Variants in POPDC2 observed in about 807,000 individuals in gnomAD.
POPDC2 encodes popeye domain cAMP effector 2.
Under a neutral mutation model 30.5 loss-of-function variants are expected in POPDC2, and 24 were observed. The ratio of observed to expected loss-of-function variants is 0.79; its 90% CI spans 0.57 to 1.11. The LOEUF (loss-of-function observed/expected upper bound fraction) is 1.11, where lower values mean the gene tolerates loss of function less well. POPDC2 is among the 50% of genes least tolerant of loss of function. The probability of loss-of-function intolerance (pLI) is 0.00; values close to 1 mark genes in which losing one functional copy is unlikely to be tolerated. For missense variants in POPDC2, 409 were observed against 447.0 expected, an observed-to-expected ratio of 0.91 and a Z score of 0.77; for synonymous variants, 185 against 183.3, an observed-to-expected ratio of 1.01 and a Z score of -0.07.
chr3:119,645,374 A>G (rs1156943038), intron 3 of POPDC2, among the ~76,000 whole-genome samples: 1 of 152,170 alleles, frequency 6.6e-6, no homozygotes, highest in Non-Finnish European at 1.5e-5. Context: ...CATCCTGGCT[A>G]ACACGGTGAA....
At chr3:119,644,908 C>T (rs1410245471) in intron 3 of POPDC2, among the ~76,000 whole-genome samples, 1 of 152,130 alleles carries the variant, frequency 6.6e-6, no homozygotes, top group Non-Finnish European at 1.5e-5. Context: ...TCAAATCAAA[C>T]ATTCAAAACA....
chr3:119,648,628 C>T lies in POPDC2; in HGVS notation c.641G>A (p.Trp214Ter). ...AAGAAGATGGAGACTTTTCCGGGGC[C>T]AGGAAATGTAGCTACATGAGGTCTC... ...TAETSCSYISWPRKSLHLLLT... is the reference protein window; with the variant it reads ...TAETSCSYIS Residue 214 changes from tryptophan (W) to a stop codon, truncating the protein, a stop_gained, in exon 3 of 4, where the codon TGG becomes TAG. Coordinates refer to ENST00000493094, the MANE Select transcript of POPDC2 (RefSeq NM_001369919.2). LOFTEE classifies it high-confidence loss of function. The T allele has an allele frequency of 1.9e-6, 3 of 1,614,032 alleles. No individual in the cohort carries two copies. The highest frequency in any genetic ancestry group is 2.5e-6 in the Non-Finnish European group (3 of 1,179,984).
Position 119,659,923 on chromosome 3 carries a change from A to G in POPDC2, c.491+10T>C. On this transcript the variant is annotated intron_variant, in intron 1 of 3. Coordinates refer to ENST00000493094, the MANE Select transcript of POPDC2 (RefSeq NM_001369919.2). ...GAAAGAAATTCTGGGCAATGGATAG[A>G]GTAGCTTACCGGCCAGAGAGCAGCA... The G allele has an allele frequency of 6.4e-7, 1 of 1,572,898 alleles. No homozygotes were observed. Among genetic ancestry groups the G allele is most frequent in the South Asian group, 1.2e-5 (1 of 85,298 alleles).
rs145628936 is a variant in POPDC2, at chr3:119,646,011, G to A, written c.*43+2108C>T. Among the ~76,000 whole-genome samples the A allele has an allele frequency of 2.9e-3, 449 of 152,236 alleles. 4 individuals are homozygous for A. Among genetic ancestry groups the A allele is most frequent in the Middle Eastern group, 0.017 (5 of 294 alleles). Reference sequence around the variant, plus strand: ...GCCAGGACTTTGGACTCCCAGTCCTGGCCTCTTTCTCATTTACCATGCTGC... The same window carrying A: ...GCCAGGACTTTGGACTCCCAGTCCTAGCCTCTTTCTCATTTACCATGCTGC... On this transcript the variant is annotated intron_variant, in intron 3 of 3. Transcript: ENST00000493094.
chr3:119,648,918 G>T (rs1253988224), intron 2 of POPDC2, among the ~76,000 whole-genome samples: 1 of 152,180 alleles, frequency 6.6e-6, no homozygotes, highest in Non-Finnish European at 1.5e-5. Flanking sequence ...ACCTCCTGAA[G>T]CCTCAGTTTC....
Position 119,660,570 on chromosome 3 carries a change from T to C in POPDC2, c.-147A>G. The C allele has an allele frequency of 1.1e-6, 1 of 929,108 alleles. No homozygotes were observed. The highest frequency in any genetic ancestry group is 1.8e-5 in the South Asian group (1 of 56,020). The allele number at this position is 929,108 out of a possible 1,614,324, so 57.6% of individuals were successfully genotyped here. ...CCTTTCCTAGAAGGAATGCTTCCGG[T>C]GGCTTTGGGAAGGAATGATGGAACA... On this transcript the variant is annotated 5_prime_UTR_variant, in exon 1 of 4. Transcript: ENST00000493094.
chr3:119,649,409 C>T (rs745474124), intron 2 of POPDC2, among the ~76,000 whole-genome samples: 31 of 152,158 alleles, frequency 2.0e-4, no homozygotes, highest in Non-Finnish European at 4.3e-4. Context: ...AGCTAAATTA[C>T]GCTTGCATGG....
upstream of POPDC2, chr3:119,660,662 CT>C (rs779210888): frequency 0.17 from 45,393 of 271,382 alleles, 4,959 homozygotes; most frequent in Admixed American, 0.29. Flanking sequence ...CTCTCCCCCC[CT>C]CTCTCCTCCC....
At chr3:119,655,200 T>G (rs1577172325) in intron 1 of POPDC2, among the ~76,000 whole-genome samples, 1 of 151,740 alleles carries the variant, frequency 6.6e-6, no homozygotes, top group African/African-American at 2.4e-5. Flanking sequence ...TGGTGGCGGG[T>G]GCCTGTAATC....
At chr3:119,656,804 C>T (rs1404267408) in intron 1 of POPDC2, among the ~76,000 whole-genome samples, 7 of 152,166 alleles carry the variant, frequency 4.6e-5, no homozygotes, top group Non-Finnish European at 7.3e-5. Context: ...TAAGGTACAC[C>T]TTGTTCATTT....
At chr3:119,655,090 G>T (rs1490682594) in intron 1 of POPDC2, among the ~76,000 whole-genome samples, 1 of 152,214 alleles carries the variant, frequency 6.6e-6, no homozygotes, top group African/African-American at 2.4e-5. Context: ...ACTTTGGGAG[G>T]CTGAGGCAGG....
intron 3 of POPDC2, among the ~76,000 whole-genome samples, chr3:119,645,524 C>T (rs2052735886): frequency 7.0e-6 from 1 of 143,618 alleles, no homozygotes; most frequent in Admixed American, 7.3e-5. Context: ...GATCGCGCCA[C>T]TGCGCTGCAG....
chr3:119,651,933 C>T (rs2052816345), intron 2 of POPDC2, among the ~76,000 whole-genome samples: 1 of 152,198 alleles, frequency 6.6e-6, no homozygotes. Flanking sequence ...CGCGCCCAGC[C>T]TCTAATGTTG....
At position 119,648,675 on chromosome 3, in the gene POPDC2, G is replaced by T. The variant is rs374134100; in HGVS notation, c.601-7C>A. 1.2e-5 allele frequency: 20 copies of T among 1,606,356 alleles called. No individual in the cohort carries two copies. The highest frequency in any genetic ancestry group is 1.6e-5 in the Non-Finnish European group (19 of 1,176,080). On this transcript the variant is annotated splice_region_variant and splice_polypyrimidine_tract_variant and intron_variant, in intron 2 of 3. Coordinates refer to ENST00000493094, the MANE Select transcript of POPDC2 (RefSeq NM_001369919.2). ...TCTCAGCAGTCAGAGTGACCTGAGA[G>T]GGGTCAGAAGCAGACAATAAAAGTT...
Position 119,642,381 on chromosome 3 carries a change from T to G in POPDC2, c.*224A>C. The G allele has an allele frequency of 1.1e-6, 1 of 871,818 alleles. No homozygotes were observed. The highest frequency in any genetic ancestry group is 1.4e-5 in the South Asian group (1 of 69,604). The allele number at this position is 871,818 out of a possible 1,614,324, so 54.0% of individuals were successfully genotyped here. On this transcript the variant is annotated 3_prime_UTR_variant, in exon 4 of 4. Coordinates refer to ENST00000493094, the MANE Select transcript of POPDC2 (RefSeq NM_001369919.2). ...CCTCTCTCACCTTGCCTGTGAGCCT[T>G]CCAGTGGGTGGGAAAAGAGGCATGC...
intron 2 of POPDC2, among the ~76,000 whole-genome samples, chr3:119,654,172 A>AAGG (rs1197039061): frequency 1.3e-5 from 2 of 152,126 alleles, no homozygotes; most frequent in African/African-American, 4.8e-5. Flanking sequence ...AAAAAATATG[A>AAGG]AGGAGGGAGA....
chr3:119,653,675 C>T (rs1369895023), intron 2 of POPDC2, among the ~76,000 whole-genome samples: 1 of 152,080 alleles, frequency 6.6e-6, no homozygotes, highest in Non-Finnish European at 1.5e-5. Flanking sequence ...GACGGGATTT[C>T]ATCGTGTTAG....
Position 119,660,433 on chromosome 3 carries a change from C to T in POPDC2, c.-10G>A. 1 of 1,604,918 alleles carries T rather than the reference C, an allele frequency of 6.2e-7. No individual in the cohort carries two copies. Among genetic ancestry groups the T allele is most frequent in the South Asian group, 1.1e-5 (1 of 89,836 alleles). ...TGCTGTTGGCGCTCATCTTTGGGGC[C>T]TCTCAAAGCCTCACTGGGCTCTAAT... On this transcript the variant is annotated 5_prime_UTR_variant, in exon 1 of 4. Coordinates refer to ENST00000493094, the MANE Select transcript of POPDC2 (RefSeq NM_001369919.2).
intron 2 of POPDC2, among the ~76,000 whole-genome samples, chr3:119,651,186 C>T (rs185494934): frequency 2.0e-5 from 3 of 152,174 alleles, no homozygotes; most frequent in Non-Finnish European, 2.9e-5. Flanking sequence ...AACACACTGG[C>T]CCCACCTCAG....
Sources: allele counts gnomAD v4.1 joint callset (sites outside exome capture counted in the v4.1 genomes callset), GRCh38; gene constraint gnomAD v4.1.1; transcripts MANE v1.5; gene names NCBI Gene and HGNC (gene_info 2026-07-23, HGNC 2026-07-21).